GPR39: variants seen among roughly 807,000 people sequenced by gnomAD.
GPR39 encodes zinc sensing receptor.
A neutral mutation model predicts 18.4 loss-of-function variants in GPR39; 23 were observed. The observed-to-expected ratio is 1.25, with a 90% CI of 0.90 to 1.77. The LOEUF (loss-of-function observed/expected upper bound fraction) is 1.77. Ranked by LOEUF, GPR39 falls within the 40% of genes most tolerant of loss-of-function variation. The probability of loss-of-function intolerance (pLI) is 0.00; values close to 1 mark genes in which losing one functional copy is unlikely to be tolerated. For synonymous variants in GPR39, 280 were observed against 257.9 expected (o/e 1.09, Z -0.82); for missense variants, 647 against 602.4 (o/e 1.07, Z -0.78).
At chr2:132,510,605 A>G (rs923588393) in intron 1 of GPR39, among the ~76,000 whole-genome samples, 4 of 152,218 alleles carry the variant, frequency 2.6e-5, no homozygotes, top group African/African-American at 7.2e-5. Flanking sequence ...GAGAATCACA[A>G]CTGAGAAAGA....
intron 1 of GPR39, among the ~76,000 whole-genome samples, chr2:132,514,889 T>C (rs1470160870): frequency 6.6e-6 from 1 of 152,214 alleles, no homozygotes; most frequent in Non-Finnish European, 1.5e-5. Flanking sequence ...ACAATCTTAA[T>C]ACTCTAGCCC....
At chr2:132,598,431 CTTTTTTTTT>C (rs34104835) in intron 1 of GPR39, among the ~76,000 whole-genome samples, 1 of 90,460 alleles carries the variant, frequency 1.1e-5, no homozygotes, top group Non-Finnish European at 2.1e-5. Context: ...CTAAGGTGAA[CTTTTTTTTT>C]TTTTTTTTTT....
intron 1 of GPR39, among the ~76,000 whole-genome samples, chr2:132,462,569 C>A (rs1680853582): frequency 6.6e-6 from 1 of 152,192 alleles, no homozygotes; most frequent in African/African-American, 2.4e-5. Flanking sequence ...ACCACAATGA[C>A]AAGAACTGCT....
intron 1 of GPR39, among the ~76,000 whole-genome samples, chr2:132,539,275 G>A (rs538316813): frequency 6.6e-6 from 1 of 152,214 alleles, no homozygotes; most frequent in Admixed American, 6.5e-5. Flanking sequence ...AGTCTCTCAC[G>A]GCTTCCCTTG....
At chr2:132,550,028 C>CTCT (rs77944726) in intron 1 of GPR39, among the ~76,000 whole-genome samples, 508 of 44,146 alleles carry the variant, frequency 0.012, 2 homozygotes, top group African/African-American at 0.045. Flanking sequence ...ACAGAGTATT[C>CTCT]TGAAAGCCCA....
intron 1 of GPR39, among the ~76,000 whole-genome samples, chr2:132,530,398 T>C (rs1679593315): frequency 6.6e-6 from 1 of 152,236 alleles, no homozygotes; most frequent in African/African-American, 2.4e-5. Context: ...CTGAAAGTGA[T>C]GGGGAGAATG....
At chr2:132,485,395 ATGAAGTT>A (rs1248204962) in intron 1 of GPR39, among the ~76,000 whole-genome samples, 3 of 152,210 alleles carry the variant, frequency 2.0e-5, no homozygotes, top group Non-Finnish European at 4.4e-5. Context: ...TAAGACAACA[ATGAAGTT>A]TGCCACTTCG....
chr2:132,417,784 G>T lies in GPR39; in HGVS notation c.742G>T (p.Val248Leu). Reference protein sequence around the residue: ...VAFMCWNMMQVLMKSQKGSLA... With the variant: ...VAFMCWNMMQLLMKSQKGSLA... ...CTTCATGTGCTGGAACATGATGCAG[G>T]TGCTCATGAAAAGCCAGAAGGGCTC... The change falls in exon 1 of 2, where the codon GTG (valine) becomes TTG (leucine). Residue 248 changes from valine to leucine, a missense_variant. This residue lies in a region of GPR39 where 581 missense variants were observed against 506.8 expected (regional missense o/e 1.15). Coordinates refer to ENST00000329321, the MANE Select transcript of GPR39 (RefSeq NM_001508.3). The T allele has an allele frequency of 6.2e-7, 1 of 1,614,178 alleles. No homozygotes were observed. Among genetic ancestry groups the T allele is most frequent in the Non-Finnish European group, 8.5e-7 (1 of 1,180,044 alleles).
At chr2:132,449,374 A>G (rs996742995) in intron 1 of GPR39, among the ~76,000 whole-genome samples, 12 of 152,052 alleles carry the variant, frequency 7.9e-5, no homozygotes, top group Non-Finnish European at 1.6e-4. Context: ...AGCCTCCTGA[A>G]TAGCTGGGAG....
At chr2:132,454,920 AG>A (rs1680693442) in intron 1 of GPR39, among the ~76,000 whole-genome samples, 1 of 152,196 alleles carries the variant, frequency 6.6e-6, no homozygotes, top group Non-Finnish European at 1.5e-5. Flanking sequence ...GATGTTCATC[AG>A]GGATATTGGT....
chr2:132,610,593 G>A (rs551592299), intron 1 of GPR39, among the ~76,000 whole-genome samples: 97 of 151,798 alleles, frequency 6.4e-4, no homozygotes, highest in Admixed American at 2.2e-3. Context: ...TGTGGCCAAC[G>A]CGGTGAAACC....
At chr2:132,494,152 T>C (rs954399995) in intron 1 of GPR39, among the ~76,000 whole-genome samples, 17 of 152,174 alleles carry the variant, frequency 1.1e-4, no homozygotes, top group African/African-American at 3.9e-4. Flanking sequence ...GGAGACAAGA[T>C]ACAGGTTTCT....
At chr2:132,436,938 G>C (rs1680333656) in intron 1 of GPR39, among the ~76,000 whole-genome samples, 2 of 152,134 alleles carry the variant, frequency 1.3e-5, no homozygotes, top group African/African-American at 2.4e-5. Flanking sequence ...CTTTTTGTAT[G>C]CTCATTCATT....
chr2:132,627,087 A>AT (rs201048742), intron 1 of GPR39, among the ~76,000 whole-genome samples: 44 of 148,618 alleles, frequency 3.0e-4, no homozygotes, highest in Admixed American at 1.3e-3. Context: ...CCAGCAGAAT[A>AT]TTTTTTTTTT....
intron 1 of GPR39, among the ~76,000 whole-genome samples, chr2:132,445,335 T>C (rs1680515518): frequency 1.3e-5 from 2 of 152,130 alleles, no homozygotes; most frequent in Admixed American, 1.3e-4. Flanking sequence ...ACATGGAAAT[T>C]TGAGAACAAA....
chr2:132,416,968 G>C lies in GPR39; in HGVS notation c.-75G>C, dbSNP rs939089575. ...CCCACGCAGGTGAGTTTGCAGCCAAGAATTTTGGACGCTGCTGGGAGGAGA... is the reference window on the plus strand; with the variant it reads ...CCCACGCAGGTGAGTTTGCAGCCAACAATTTTGGACGCTGCTGGGAGGAGA... On this transcript the variant is annotated 5_prime_UTR_variant, in exon 1 of 2. Transcript: ENST00000329321. The C allele has an allele frequency of 1.1e-5, 17 of 1,544,204 alleles. No homozygotes were observed. The highest frequency in any genetic ancestry group is 2.1e-4 in the Middle Eastern group (1 of 4,798).
rs753801511 is a variant in GPR39 at position 132,535,695 on chromosome 2, C to CTTTTTTTTTTTTTTTTT, written c.857-109395_857-109394insTTTTTTTTTTTTTTTTT. ...GGCTGTGAATCCATCTGGTCCTGGG[C>CTTTTTTTTTTTTTTTTT]TTTTTTTTTTTGGTTGGTAGGCTAT... On this transcript the variant is annotated intron_variant, in intron 1 of 1. Transcript: ENST00000329321. Among the ~76,000 whole-genome samples the CTTTTTTTTTTTTTTTTT allele has an allele frequency of 6.1e-3, 583 of 96,220 alleles. 66 individuals are homozygous for CTTTTTTTTTTTTTTTTT. The highest frequency in any genetic ancestry group is 0.02 in the African/African-American group (493 of 25,130). The allele number at this position is 96,220 out of a possible 152,430, so 63.1% of individuals were successfully genotyped here.
chr2:132,495,717 T>A (rs1291117028), intron 1 of GPR39, among the ~76,000 whole-genome samples: 1 of 152,150 alleles, frequency 6.6e-6, no homozygotes, highest in Non-Finnish European at 1.5e-5. Context: ...GGAGAAGCAG[T>A]CTTGGAGAAA....
chr2:132,593,400 A>G (rs1264569323), intron 1 of GPR39, among the ~76,000 whole-genome samples: 1 of 152,190 alleles, frequency 6.6e-6, no homozygotes, highest in Non-Finnish European at 1.5e-5. Flanking sequence ...CTCATTAGCA[A>G]CAACTATGTA....
Sources: allele counts gnomAD v4.1 joint callset (sites outside exome capture counted in the v4.1 genomes callset), GRCh38; gene constraint gnomAD v4.1.1; regional missense constraint gnomAD v4.1.1; transcripts MANE v1.5; gene names NCBI Gene and HGNC (gene_info 2026-07-23, HGNC 2026-07-21).